Variants in PDE1C observed in about 807,000 individuals in gnomAD.
PDE1C encodes the protein phosphodiesterase 1C, also known as dual specificity calcium/calmodulin-dependent 3',5'-cyclic nucleotide phosphodiesterase 1C.
PDE1C carries 62 observed loss-of-function variants against 93.1 expected under a neutral mutation model. The observed-to-expected ratio is 0.67, with a 90% CI of 0.54 to 0.82. The LOEUF is 0.82. Ranked by LOEUF, PDE1C falls within the 40% of genes least tolerant of loss-of-function variation. The probability of loss-of-function intolerance (pLI) is 0.00; values close to 1 mark genes in which losing one functional copy is unlikely to be tolerated. For missense variants in PDE1C, 742 were observed against 884.6 expected (o/e 0.84, Z 2.04); for synonymous variants, 325 against 310.1 (o/e 1.05, Z -0.50).
chr7:32,406,896 T>C (rs993149371), intron 1 of PDE1C, among the ~76,000 whole-genome samples: 4 of 152,124 alleles, frequency 2.6e-5, no homozygotes, highest in African/African-American at 9.7e-5. Flanking sequence ...TGCTTTACAT[T>C]AAACTCAGAA....
intron 1 of PDE1C, among the ~76,000 whole-genome samples, chr7:32,218,079 C>CA (rs1806557900): frequency 6.6e-6 from 1 of 152,206 alleles, no homozygotes; most frequent in Non-Finnish European, 1.5e-5. Context: ...CCACCAGCCT[C>CA]ATTGCCATGA....
intron 1 of PDE1C, among the ~76,000 whole-genome samples, chr7:32,238,972 C>T (rs1808347619): frequency 6.6e-6 from 1 of 152,162 alleles, no homozygotes; most frequent in Non-Finnish European, 1.5e-5. Context: ...ACATCTGTTT[C>T]AGAAGATAAG....
At chr7:31,667,806 G>T in the PDE1C span, among the ~76,000 whole-genome samples, 9 of 151,938 alleles carry the variant, frequency 5.9e-5, 1 homozygote, top group East Asian at 1.8e-3. Context: ...ATCAATAGAG[G>T]TTTGTTTAGC....
chr7:32,039,915 G>A (rs1791591514), intron 2 of PDE1C, among the ~76,000 whole-genome samples: 1 of 152,144 alleles, frequency 6.6e-6, no homozygotes, highest in South Asian at 2.1e-4. Context: ...AAATACAATA[G>A]CATGTGGAAC....
chr7:32,411,320 A>G (rs777585855), intron 1 of PDE1C, among the ~76,000 whole-genome samples: 1 of 152,248 alleles, frequency 6.6e-6, no homozygotes, highest in Non-Finnish European at 1.5e-5. Context: ...CATAGAGTGC[A>G]CTTGCACAAA....
chr7:32,210,894 C>T (rs937027380), intron 1 of PDE1C, among the ~76,000 whole-genome samples: 6 of 152,126 alleles, frequency 3.9e-5, no homozygotes, highest in East Asian at 1.9e-4. Context: ...CAGCTCCCAT[C>T]GTCTGTCACA....
intron 1 of PDE1C, among the ~76,000 whole-genome samples, chr7:32,315,588 T>C (rs1783152599): frequency 6.6e-6 from 1 of 152,230 alleles, no homozygotes; most frequent in Non-Finnish European, 1.5e-5. Flanking sequence ...TTCTTATATG[T>C]ATCCTCCAAA....
At chr7:31,705,975 ACAGAC>A in the PDE1C span, among the ~76,000 whole-genome samples, 1 of 130,974 alleles carries the variant, frequency 7.6e-6, no homozygotes, top group Non-Finnish European at 1.6e-5. Flanking sequence ...TCTGAATTTC[ACAGAC>A]CAGTAATTTT....
intron 3 of PDE1C, among the ~76,000 whole-genome samples, chr7:32,126,991 G>A (rs540986101): frequency 6.6e-6 from 1 of 152,064 alleles, no homozygotes; most frequent in African/African-American, 2.4e-5. Flanking sequence ...CATTTGAATT[G>A]GTAGACTGAA....
intron 2 of PDE1C, among the ~76,000 whole-genome samples, chr7:32,026,268 C>T (rs540563218): frequency 1.4e-4 from 21 of 152,240 alleles, no homozygotes; most frequent in African/African-American, 4.6e-4. Flanking sequence ...ACAATAGGCA[C>T]ATGGGGCAAA....
chr7:31,643,292 A>C, the PDE1C span: 1 of 1,613,720 alleles, frequency 6.2e-7, no homozygotes, highest in Admixed American at 1.7e-5. Flanking sequence ...AGCTCATCAC[A>C]GTGTATCCCC....
intron 1 of PDE1C, among the ~76,000 whole-genome samples, chr7:32,056,320 T>TTTCTC (rs1554488810): frequency 9.0e-6 from 1 of 111,116 alleles, no homozygotes; most frequent in African/African-American, 3.6e-5. Context: ...GGGTCCACCG[T>TTTCTC]TCTCTCTCTC....
intron 1 of PDE1C, among the ~76,000 whole-genome samples, chr7:32,295,617 C>T (rs562099892): frequency 1.3e-5 from 2 of 152,246 alleles, no homozygotes; most frequent in African/African-American, 2.4e-5. Flanking sequence ...ATGGGTCAGG[C>T]GCAGTGGCTC....
At chr7:32,346,276 A>G (rs569075308) in intron 1 of PDE1C, among the ~76,000 whole-genome samples, 8 of 152,240 alleles carry the variant, frequency 5.3e-5, no homozygotes, top group Non-Finnish European at 1.2e-4. Flanking sequence ...GTGAAATCTA[A>G]TAAGACATGC....
intron 2 of PDE1C, among the ~76,000 whole-genome samples, chr7:31,984,524 C>T (rs966483274): frequency 6.6e-6 from 1 of 152,156 alleles, no homozygotes; most frequent in Admixed American, 6.5e-5. Context: ...TCACCACACG[C>T]CCAACAAAGG....
intron 2 of PDE1C, among the ~76,000 whole-genome samples, chr7:32,204,098 G>T (rs1468499012): frequency 3.3e-5 from 5 of 152,128 alleles, no homozygotes; most frequent in Non-Finnish European, 5.9e-5. Context: ...TTGAACACAA[G>T]CACTGCAATC....
At chr7:32,014,131 A>C (rs1409554275) in intron 2 of PDE1C, among the ~76,000 whole-genome samples, 1 of 152,242 alleles carries the variant, frequency 6.6e-6, no homozygotes, top group African/African-American at 2.4e-5. Flanking sequence ...TAGCTGAAAG[A>C]CCAGACCCAG....
chr7:32,190,472 G>C (rs1804159670), intron 2 of PDE1C, among the ~76,000 whole-genome samples: 1 of 152,208 alleles, frequency 6.6e-6, no homozygotes, highest in Non-Finnish European at 1.5e-5. Flanking sequence ...TGTTGAAAAG[G>C]AGGCATCACA....
At chr7:31,763,443 G>C (rs719363) in intron 17 of PDE1C, among the ~76,000 whole-genome samples, 19,762 of 152,164 alleles carry the variant, frequency 0.13, 1,601 homozygotes, top group Non-Finnish European at 0.18. Context: ...GCTTTTGGGA[G>C]AGGTGGGTGG....
Sources: gnomAD v4.1 joint callset for allele counts (sites outside exome capture counted in the v4.1 genomes callset) on GRCh38, gnomAD v4.1.1 for gene constraint, MANE v1.5 for transcripts, NCBI Gene and HGNC (gene_info 2026-07-23, HGNC 2026-07-21) for gene names.